PRKCH: variants seen among roughly 807,000 people sequenced by gnomAD.
PRKCH encodes the protein protein kinase C eta type.
PRKCH carries 28 observed loss-of-function variants against 82.5 expected under a neutral mutation model. The ratio of observed to expected loss-of-function variants is 0.34; its 90% CI spans 0.25 to 0.47. The LOEUF (loss-of-function observed/expected upper bound fraction) is 0.47. Among genes scored for constraint, PRKCH ranks in the 20% least tolerant of loss-of-function variants. PRKCH has a pLI of 1.00. For synonymous variants in PRKCH, 322 were observed against 327.4 expected (o/e 0.98, Z 0.18); for missense variants, 705 against 881.8 (o/e 0.80, Z 2.54).
In PRKCH at chr14:61,514,214, C is replaced by G. The variant is rs548210541; in HGVS notation, c.1434-14861C>G. ...CTGCTCACGGACCCTGTCTTAATGA[C>G]AGAAGCCACTCCAAGAGTTCACTGT... On this transcript the variant is annotated intron_variant, in intron 10 of 13. Transcript: ENST00000332981. Among the ~76,000 whole-genome samples the G allele has an allele frequency of 5.8e-4, 86 of 149,552 alleles. 1 individual carries two copies. Among genetic ancestry groups the G allele is most frequent in the Middle Eastern group, 3.4e-3 (1 of 290 alleles).
chr14:61,539,045 T>C (rs2043147996), intron 12 of PRKCH, among the ~76,000 whole-genome samples: 1 of 152,306 alleles, frequency 6.6e-6, no homozygotes, highest in Non-Finnish European at 1.5e-5. Flanking sequence ...TGGAAGTCAT[T>C]GGAGAGCATT....
At chr14:61,428,076 T>TAGATACACACACACAC (rs377250538) in intron 2 of PRKCH, among the ~76,000 whole-genome samples, 1 of 126,206 alleles carries the variant, frequency 7.9e-6, no homozygotes, top group Non-Finnish European at 1.6e-5. Flanking sequence ...GATAGATAGA[T>TAGATACACACACACAC]ACACACACAC....
At chr14:61,188,236 C>T (rs1045179550) in intron 1 of PRKCH, among the ~76,000 whole-genome samples, 1 of 152,246 alleles carries the variant, frequency 6.6e-6, no homozygotes, top group African/African-American at 2.4e-5. Flanking sequence ...GGCTTTACCT[C>T]TGCCTTTGCA....
At chr14:61,224,119 C>T (rs980695572) in intron 1 of PRKCH, among the ~76,000 whole-genome samples, 1 of 152,156 alleles carries the variant, frequency 6.6e-6, no homozygotes, top group Non-Finnish European at 1.5e-5. Flanking sequence ...GGCACCCAGT[C>T]CCACTCCCCT....
At chr14:61,331,842 C>T (rs1203511570) in intron 1 of PRKCH, among the ~76,000 whole-genome samples, 1 of 152,188 alleles carries the variant, frequency 6.6e-6, no homozygotes, top group East Asian at 1.9e-4. Context: ...TTAGTAACTC[C>T]TAAGAATTAA....
intron 10 of PRKCH, among the ~76,000 whole-genome samples, chr14:61,490,617 G>A (rs1886412327): frequency 6.6e-6 from 1 of 152,150 alleles, no homozygotes; most frequent in African/African-American, 2.4e-5. Context: ...GTTTCCAAAT[G>A]AATTTGTGTG....
At chr14:61,504,830 T>C (rs1270536897) in intron 10 of PRKCH, among the ~76,000 whole-genome samples, 2 of 152,184 alleles carry the variant, frequency 1.3e-5, no homozygotes, top group Non-Finnish European at 2.9e-5. Flanking sequence ...TATATTTACA[T>C]GAGGTATAAA....
At chr14:61,219,318 C>T (rs139295339) in intron 1 of PRKCH, among the ~76,000 whole-genome samples, 1 of 152,290 alleles carries the variant, frequency 6.6e-6, no homozygotes, top group East Asian at 1.9e-4. Context: ...ATAAATGTTC[C>T]AAATATGGAA....
At chr14:61,381,938 C>G (rs1399607823) in intron 1 of PRKCH, among the ~76,000 whole-genome samples, 2 of 152,218 alleles carry the variant, frequency 1.3e-5, no homozygotes, top group Non-Finnish European at 2.9e-5. Context: ...GGCATCTTCC[C>G]AGCATCTGAA....
At chr14:61,415,072 T>C (rs1310874441) in intron 2 of PRKCH, among the ~76,000 whole-genome samples, 1 of 152,198 alleles carries the variant, frequency 6.6e-6, no homozygotes, top group Non-Finnish European at 1.5e-5. Context: ...TTCAAACTCC[T>C]CTGGCTCAGA....
At chr14:61,413,713 A>G (rs1407127571) in intron 2 of PRKCH, among the ~76,000 whole-genome samples, 3 of 151,778 alleles carry the variant, frequency 2.0e-5, no homozygotes, top group African/African-American at 7.3e-5. Flanking sequence ...CTCCTTGGGT[A>G]CTTTCTAATT....
intron 1 of PRKCH, among the ~76,000 whole-genome samples, chr14:61,385,683 G>C (rs906883853): frequency 2.6e-5 from 4 of 152,190 alleles, no homozygotes; most frequent in Admixed American, 1.3e-4. Context: ...GGAGGAAACT[G>C]ACTAGAATGG....
At chr14:61,188,367 G>C (rs962645168) in intron 1 of PRKCH, among the ~76,000 whole-genome samples, 2 of 152,166 alleles carry the variant, frequency 1.3e-5, no homozygotes, top group African/African-American at 2.4e-5. Flanking sequence ...CCCGCCCACA[G>C]CCTGCAAACC....
intron 1 of PRKCH, among the ~76,000 whole-genome samples, chr14:61,231,253 A>G (rs921465959): frequency 8.5e-5 from 13 of 152,218 alleles, no homozygotes; most frequent in Non-Finnish European, 1.6e-4. Context: ...GGACTAAACA[A>G]TTCAATACAC....
chr14:61,450,720 A>G, intron 5 of PRKCH, 122 bp from the exon 6 acceptor site: 1 of 1,197,506 alleles, frequency 8.4e-7, no homozygotes, highest in Non-Finnish European at 1.2e-6. Context: ...AGTACAGTAA[A>G]ATAATATACC....
chr14:61,395,099 G>A (rs773735079), intron 2 of PRKCH, among the ~76,000 whole-genome samples: 5 of 151,996 alleles, frequency 3.3e-5, no homozygotes, highest in Non-Finnish European at 5.9e-5. Flanking sequence ...TGAAATCTAC[G>A]GGTGGGGTAT....
At chr14:61,507,376 G>A (rs139095124) in intron 10 of PRKCH, among the ~76,000 whole-genome samples, 3 of 152,076 alleles carry the variant, frequency 2.0e-5, no homozygotes, top group Non-Finnish European at 4.4e-5. Context: ...CAATATGTAG[G>A]TTCCTCAAAA....
At chr14:61,189,453 C>T (rs1259415443) in intron 1 of PRKCH, among the ~76,000 whole-genome samples, 2 of 152,122 alleles carry the variant, frequency 1.3e-5, no homozygotes, top group Non-Finnish European at 2.9e-5. Context: ...CCCTTGTCTG[C>T]CTGCCTTGAG....
chr14:61,449,368 C>G, intron 5 of PRKCH, 116 bp downstream of exon 5: 1 of 847,370 alleles, frequency 1.2e-6, no homozygotes, highest in Non-Finnish European at 1.9e-6. Context: ...TCCCCGTCCC[C>G]AAACCTCTGC....
Sources: allele counts gnomAD v4.1 joint callset (sites outside exome capture counted in the v4.1 genomes callset), GRCh38; gene constraint gnomAD v4.1.1; transcripts MANE v1.5; gene names NCBI Gene and HGNC (gene_info 2026-07-23, HGNC 2026-07-21).